Variants in WDR70 observed in about 807,000 individuals in gnomAD.
The protein encoded by WDR70 is WD repeat-containing protein 70.
Under a neutral mutation model 88.6 loss-of-function variants are expected in WDR70, and 53 were observed. The ratio of observed to expected loss-of-function variants is 0.60; its 90% CI spans 0.48 to 0.75. WDR70 has a LOEUF of 0.75. Ranked by LOEUF, WDR70 falls within the 30% of genes least tolerant of loss-of-function variation. The pLI is 0.00. For synonymous variants in WDR70, 280 were observed against 270.0 expected, an observed-to-expected ratio of 1.04 and a Z score of -0.36; for missense variants, 610 against 823.2, an observed-to-expected ratio of 0.74 and a Z score of 3.17.
chr5:37,427,396 A>T (rs200084235), intron 5 of WDR70, among the ~76,000 whole-genome samples: 583 of 10,154 alleles, frequency 0.057, 2 homozygotes, highest in Middle Eastern at 0.5. Flanking sequence ...CTCAAAAATA[A>T]AAAATAAAAA....
intron 16 of WDR70, among the ~76,000 whole-genome samples, chr5:37,726,189 A>G (rs895749932): frequency 2.6e-5 from 4 of 152,228 alleles, no homozygotes; most frequent in African/African-American, 9.6e-5. Flanking sequence ...GTTACTGGCC[A>G]TACAAATTAT....
At chr5:37,732,824 G>A (rs555225028) in intron 17 of WDR70, among the ~76,000 whole-genome samples, 2 of 151,924 alleles carry the variant, frequency 1.3e-5, no homozygotes, top group South Asian at 2.1e-4. Context: ...TTTTTCTCAC[G>A]TAAAAAATTT....
chr5:37,667,711 A>G (rs977860817), intron 10 of WDR70, among the ~76,000 whole-genome samples: 2 of 152,114 alleles, frequency 1.3e-5, no homozygotes, highest in East Asian at 1.9e-4. Context: ...CAGAGTCTGT[A>G]TGGTCCTCAA....
intron 9 of WDR70, among the ~76,000 whole-genome samples, chr5:37,523,184 C>T (rs1296037219): frequency 1.3e-5 from 2 of 152,352 alleles, no homozygotes; most frequent in East Asian, 3.9e-4. Flanking sequence ...ACTGCCTCCT[C>T]AAGAGGTCCC....
intron 10 of WDR70, among the ~76,000 whole-genome samples, chr5:37,610,188 T>G (rs1218603095): frequency 6.7e-6 from 1 of 150,104 alleles, no homozygotes; most frequent in Non-Finnish European, 1.5e-5. Flanking sequence ...ATTGCTTGAA[T>G]CTGGGAGGCG....
intron 2 of WDR70, among the ~76,000 whole-genome samples, chr5:37,379,886 AAG>A (rs1249414052): frequency 6.6e-6 from 1 of 152,200 alleles, no homozygotes; most frequent in East Asian, 1.9e-4. Context: ...AGATTTCTAA[AAG>A]AGAGTGTAGT....
intron 10 of WDR70, among the ~76,000 whole-genome samples, chr5:37,617,197 G>C (rs956076419): frequency 2.0e-5 from 3 of 152,122 alleles, no homozygotes; most frequent in African/African-American, 7.2e-5. Context: ...AGCAGTGAAG[G>C]GTTTAACAAC....
chr5:37,646,012 A>T (rs12520294), intron 10 of WDR70, among the ~76,000 whole-genome samples: 33,701 of 151,110 alleles, frequency 0.22, 4,588 homozygotes, highest in East Asian at 0.53. Flanking sequence ...ATTTTTAATT[A>T]AAAAAATTTT....
chr5:37,557,698 G>C (rs578161423), intron 9 of WDR70, among the ~76,000 whole-genome samples: 1 of 151,950 alleles, frequency 6.6e-6, no homozygotes, highest in Non-Finnish European at 1.5e-5. Flanking sequence ...TTGGTAACTA[G>C]TTTCAAGTGT....
intron 5 of WDR70, among the ~76,000 whole-genome samples, chr5:37,416,103 C>T (rs1201373004): frequency 2.6e-5 from 4 of 151,936 alleles, no homozygotes; most frequent in Non-Finnish European, 4.4e-5. Flanking sequence ...ACTTCCCAGA[C>T]GGGGTGGCGG....
chr5:37,701,427 T>G (rs944810908), intron 12 of WDR70, among the ~76,000 whole-genome samples: 1 of 152,158 alleles, frequency 6.6e-6, no homozygotes, highest in Non-Finnish European at 1.5e-5. Context: ...TTTTAAGAGA[T>G]TCAGTTGTTC....
intron 8 of WDR70, chr5:37,505,786 A>G: frequency 7.1e-7 from 1 of 1,406,220 alleles, no homozygotes; most frequent in East Asian, 2.3e-5. Flanking sequence ...TGAAGATCAC[A>G]CCCAGACAGA....
At chr5:37,383,749 T>C (rs1175076501) in intron 3 of WDR70, among the ~76,000 whole-genome samples, 13 of 151,842 alleles carry the variant, frequency 8.6e-5, no homozygotes, top group Admixed American at 7.2e-4. Context: ...CTGGCTAATT[T>C]TGTTTTTGTG....
chr5:37,593,224 G>T (rs1308814294), intron 9 of WDR70, among the ~76,000 whole-genome samples: 3 of 152,082 alleles, frequency 2.0e-5, no homozygotes, highest in Non-Finnish European at 4.4e-5. Context: ...TTGTTACATA[G>T]GTATACATGT....
chr5:37,392,477 G>A (rs1748865626), intron 4 of WDR70, among the ~76,000 whole-genome samples: 1 of 151,804 alleles, frequency 6.6e-6, no homozygotes, highest in South Asian at 2.1e-4. Flanking sequence ...AGCATCCTGA[G>A]TAGCTGGGAC....
chr5:37,707,326 C>T (rs141371938), intron 13 of WDR70, among the ~76,000 whole-genome samples: 162 of 152,140 alleles, frequency 1.1e-3, no homozygotes, highest in Non-Finnish European at 1.7e-3. Context: ...TCAGAGATAG[C>T]AGGCATTCCC....
chr5:37,398,728 T>C (rs1010973019), intron 5 of WDR70, among the ~76,000 whole-genome samples: 1 of 152,184 alleles, frequency 6.6e-6, no homozygotes, highest in Non-Finnish European at 1.5e-5. Flanking sequence ...AAGAATAAAA[T>C]AAGAATAAAT....
chr5:37,432,870 CATTTTAAAAT>C (rs1561850276), intron 5 of WDR70, among the ~76,000 whole-genome samples: 31 of 152,102 alleles, frequency 2.0e-4, no homozygotes, highest in African/African-American at 7.5e-4. Flanking sequence ...GCCTTTTGCT[CATTTTAAAAT>C]GAGGTGGTTT....
intron 10 of WDR70, among the ~76,000 whole-genome samples, chr5:37,692,073 A>G (rs769353941): frequency 1.3e-5 from 2 of 152,236 alleles, no homozygotes; most frequent in Non-Finnish European, 2.9e-5. Flanking sequence ...GAATACTATA[A>G]ACACCTCTGC....
Sources: allele counts gnomAD v4.1 joint callset (sites outside exome capture counted in the v4.1 genomes callset), GRCh38; gene constraint gnomAD v4.1.1; transcripts MANE v1.5; gene names NCBI Gene and HGNC (gene_info 2026-07-23, HGNC 2026-07-21).